The following PRMT8 variants were observed in gnomAD, a reference collection of about 807,000 sequenced individuals.
The protein encoded by PRMT8 is protein arginine N-methyltransferase 8.
PRMT8 carries 7 observed loss-of-function variants against 47.1 expected under a neutral mutation model. The ratio of observed to expected loss-of-function variants is 0.15; its 90% CI spans 0.08 to 0.28. PRMT8 has a LOEUF of 0.28. Ranked by LOEUF, PRMT8 falls within the 10% of genes least tolerant of loss-of-function variation. The pLI is 1.00. For missense variants in PRMT8, 237 were observed against 505.4 expected (o/e 0.47, Z 5.09); for synonymous variants, 188 against 186.5 (o/e 1.01, Z -0.07).
At chr12:3,412,823 C>G (rs1182736183) in intron 1 of PRMT8, among the ~76,000 whole-genome samples, 3 of 152,122 alleles carry the variant, frequency 2.0e-5, no homozygotes, top group Non-Finnish European at 2.9e-5. Flanking sequence ...CCATATTGGC[C>G]AGGCTGGTCT....
chr12:3,443,799 T>C (rs1025759669), intron 1 of PRMT8, among the ~76,000 whole-genome samples: 4 of 152,248 alleles, frequency 2.6e-5, no homozygotes, highest in African/African-American at 9.6e-5. Context: ...TATCAGCACC[T>C]GGCCTTGCCA....
At chr12:3,447,676 G>A (rs1864872730) in intron 1 of PRMT8, among the ~76,000 whole-genome samples, 2 of 146,356 alleles carry the variant, frequency 1.4e-5, no homozygotes, top group South Asian at 4.2e-4. Flanking sequence ...CAAAATCTCA[G>A]TTGTCTCTCT....
At chr12:3,457,170 G>A (rs1864983815) in intron 1 of PRMT8, among the ~76,000 whole-genome samples, 1 of 152,210 alleles carries the variant, frequency 6.6e-6, no homozygotes, top group Non-Finnish European at 1.5e-5. Context: ...GTGAGGGCAG[G>A]CTTGGTGTCC....
chr12:3,435,698 T>G (rs1168215133), intron 1 of PRMT8, among the ~76,000 whole-genome samples: 1 of 151,934 alleles, frequency 6.6e-6, no homozygotes, highest in Admixed American at 6.5e-5. Flanking sequence ...ATTTTTGTAT[T>G]TTTAGCAGAC....
chr12:3,431,624 A>G (rs1192367185), intron 1 of PRMT8, among the ~76,000 whole-genome samples: 3 of 152,168 alleles, frequency 2.0e-5, no homozygotes, highest in Admixed American at 6.5e-5. Context: ...GGATTCCAAG[A>G]AGGAGAGGTA....
At chr12:3,555,722 G>A (rs761971819) in intron 4 of PRMT8, among the ~76,000 whole-genome samples, 5 of 152,224 alleles carry the variant, frequency 3.3e-5, no homozygotes, top group South Asian at 2.1e-4. Flanking sequence ...AGGAACTGAG[G>A]CAGCAGTGGA....
At chr12:3,417,440 A>G (rs1410968907) in intron 1 of PRMT8, among the ~76,000 whole-genome samples, 2 of 152,240 alleles carry the variant, frequency 1.3e-5, no homozygotes, top group Non-Finnish European at 2.9e-5. Context: ...AGGAGCGTCC[A>G]GCTCTCATGT....
Position 3,576,089 on chromosome 12 carries a change from C to T in PRMT8, c.713-782C>T, listed in dbSNP as rs139736835. 6.6e-6 allele frequency among the ~76,000 whole-genome samples: 1 copy of T among 152,276 alleles called. No homozygotes were observed. Among genetic ancestry groups the T allele is most frequent in the East Asian group, 1.9e-4 (1 of 5,182 alleles). The stretch of plus-strand genomic sequence containing the variant: ...ACTTGAATTAATTTCTCACCAACCC[C>T]CTAGATCTTTCTCCCTCCCATACAA... On this transcript the variant is annotated intron_variant, in intron 6 of 9. Transcript: ENST00000382622. This position sits in a 1 kb window ranked among gnomAD's most constrained non-coding sequence, Gnocchi z 4.0.
intron 1 of PRMT8, among the ~76,000 whole-genome samples, chr12:3,465,103 C>T (rs1409197456): frequency 3.1e-5 from 4 of 129,292 alleles, no homozygotes; most frequent in Non-Finnish European, 6.2e-5. Context: ...GCCTGGGCAA[C>T]GAGAGTGAAA....
intron 6 of PRMT8, among the ~76,000 whole-genome samples, chr12:3,573,326 C>T (rs1866883544): frequency 6.6e-6 from 1 of 152,186 alleles, no homozygotes; most frequent in South Asian, 2.1e-4. Flanking sequence ...AACATTTCCA[C>T]TGGCTTTTTT....
chr12:3,442,574 C>G (rs1381473416), intron 1 of PRMT8, among the ~76,000 whole-genome samples: 2 of 152,172 alleles, frequency 1.3e-5, no homozygotes, highest in Non-Finnish European at 2.9e-5. Context: ...GAATGGGGTA[C>G]CAGGGCTTGG....
At chr12:3,422,532 G>A (rs904326226) in intron 1 of PRMT8, among the ~76,000 whole-genome samples, 1 of 152,280 alleles carries the variant, frequency 6.6e-6, no homozygotes, top group South Asian at 2.1e-4. Flanking sequence ...ACTCTAAGGG[G>A]GTCCGCGTGA....
Position 3,552,871 on chromosome 12 carries a change from C to T in PRMT8, c.418-780C>T. On this transcript the variant is annotated intron_variant, in intron 3 of 9. Transcript: ENST00000382622. This position sits in a 1 kb window ranked among gnomAD's most constrained non-coding sequence, Gnocchi z 4.5. ...CCAGGGCCTTAGCACAGGCCAGCCTCTGTAAGAGAGCCGGCTCCGGAGGTG... is the reference window on the plus strand; with the variant it reads ...CCAGGGCCTTAGCACAGGCCAGCCTTTGTAAGAGAGCCGGCTCCGGAGGTG... The T allele has an allele frequency of 7.0e-6, 3 of 428,262 alleles. No homozygotes were observed. Among genetic ancestry groups the T allele is most frequent in the Non-Finnish European group, 9.5e-6 (2 of 211,542 alleles). The allele number at this position is 428,262 out of a possible 1,614,324, so 26.5% of individuals were successfully genotyped here.
intron 7 of PRMT8, among the ~76,000 whole-genome samples, chr12:3,577,672 T>C (rs1298383252): frequency 1.6e-5 from 2 of 124,366 alleles, no homozygotes; most frequent in Admixed American, 8.7e-5. Flanking sequence ...GAGACTTTTT[T>C]GTGGGATTTT....
intron 4 of PRMT8, 62 bp from the exon 5 acceptor site, chr12:3,568,644 G>A (rs1866778605): frequency 1.6e-5 from 26 of 1,596,382 alleles, no homozygotes; most frequent in Non-Finnish European, 2.1e-5. Context: ...CCTGAAGTGA[G>A]GTGCTTGTGG....
intron 2 of PRMT8, among the ~76,000 whole-genome samples, chr12:3,546,943 A>G (rs535882023): frequency 6.6e-6 from 1 of 152,230 alleles, no homozygotes; most frequent in East Asian, 1.9e-4. Flanking sequence ...AAAGGGTAAT[A>G]CATCATGACA....
intron 1 of PRMT8, among the ~76,000 whole-genome samples, chr12:3,479,017 G>T (rs1424190294): frequency 6.6e-6 from 1 of 152,230 alleles, no homozygotes; most frequent in Non-Finnish European, 1.5e-5. Flanking sequence ...GGAGGCCAAG[G>T]GGCGGCCTCA....
chr12:3,407,883 G>A (rs1211181835), intron 1 of PRMT8, among the ~76,000 whole-genome samples: 1 of 151,048 alleles, frequency 6.6e-6, no homozygotes, highest in Admixed American at 6.6e-5. Context: ...TCTTTCTTCT[G>A]CTTGATCTAG....
intron 1 of PRMT8, among the ~76,000 whole-genome samples, chr12:3,484,584 C>T (rs1865305059): frequency 6.6e-6 from 1 of 152,252 alleles, no homozygotes; most frequent in African/African-American, 2.4e-5. Context: ...TCTGCATTGG[C>T]TCATTTTGTC....
Sources: gnomAD v4.1 joint callset for allele counts (sites outside exome capture counted in the v4.1 genomes callset) on GRCh38, gnomAD v4.1.1 for gene constraint, Gnocchi (gnomAD v3.1) non-coding constraint, MANE v1.5 for transcripts, NCBI Gene and HGNC (gene_info 2026-07-23, HGNC 2026-07-21) for gene names.